DDX4: variants seen among roughly 807,000 people sequenced by gnomAD.
The protein encoded by DDX4 is DEAD-box helicase 4, also known as probable ATP-dependent RNA helicase DDX4.
DDX4 carries 25 observed loss-of-function variants against 100.0 expected under a neutral mutation model. That is an observed-to-expected ratio of 0.25 (90% CI 0.18 to 0.35). The LOEUF is 0.35. Among genes scored for constraint, DDX4 ranks in the 10% least tolerant of loss-of-function variants. The pLI, the probability that DDX4 is intolerant of heterozygous loss-of-function variation, is 1.00. For synonymous variants in DDX4, 259 were observed against 275.7 expected, an observed-to-expected ratio of 0.94 and a Z score of 0.60; for missense variants, 635 against 882.4, an observed-to-expected ratio of 0.72 and a Z score of 3.55.
chr5:55,784,815 C>T (rs1394595973), intron 10 of DDX4, among the ~76,000 whole-genome samples: 2 of 152,238 alleles, frequency 1.3e-5, no homozygotes, highest in African/African-American at 4.8e-5. Context: ...GAACTAAGCA[C>T]ATCCTGTGTG....
intron 10 of DDX4, among the ~76,000 whole-genome samples, chr5:55,782,546 C>T (rs764601947): frequency 1.3e-5 from 2 of 151,192 alleles, no homozygotes; most frequent in East Asian, 2.0e-4. Context: ...TGCAGTAAGC[C>T]GAGATCATAC....
chr5:55,787,811 C>G, intron 14 of DDX4, 35 bp from the exon 15 acceptor site: 1 of 1,604,150 alleles, frequency 6.2e-7, no homozygotes, highest in Non-Finnish European at 8.5e-7. Context: ...AAGTGTTGTG[C>G]TATAAGTTTG....
intron 10 of DDX4, among the ~76,000 whole-genome samples, chr5:55,783,671 A>ATGGATGGG (rs1179350939): frequency 1.6e-5 from 2 of 123,832 alleles, no homozygotes; most frequent in African/African-American, 5.8e-5. Flanking sequence ...GGATGGATGG[A>ATGGATGGG]TGGATGAATG....
At chr5:55,800,564 T>A (rs1373743091) in intron 18 of DDX4, among the ~76,000 whole-genome samples, 1 of 152,150 alleles carries the variant, frequency 6.6e-6, no homozygotes, top group Non-Finnish European at 1.5e-5. Flanking sequence ...GACCTTGTGA[T>A]CTGCCTGCCT....
intron 10 of DDX4, among the ~76,000 whole-genome samples, chr5:55,783,835 A>G (rs1026130355): frequency 1.4e-5 from 2 of 140,026 alleles, no homozygotes; most frequent in Non-Finnish European, 3.1e-5. Flanking sequence ...AGGAACCAGT[A>G]AAGTTTTTTT....
At chr5:55,746,072 C>G in intron 2 of DDX4, 92 bp from the exon 3 acceptor site, 1 of 980,840 alleles carries the variant, frequency 1.0e-6, no homozygotes, top group Non-Finnish European at 1.5e-6. Context: ...CTGAACAAAG[C>G]TCAATTGTTA....
chr5:55,754,967 G>C (rs570943170), intron 3 of DDX4, among the ~76,000 whole-genome samples: 1 of 152,270 alleles, frequency 6.6e-6, no homozygotes, highest in South Asian at 2.1e-4. Context: ...GCATAGAGGT[G>C]TTTGTAGTAT....
Position 55,792,735 on chromosome 5 carries a change from G to T in DDX4, c.1397G>T (p.Cys466Phe). Reference sequence around the variant, plus strand: ...CCAGAAATGAAGAAGTTAATTTCTTGCCCAGGAATGCCATCAAAGGAACAG... The same window carrying T: ...CCAGAAATGAAGAAGTTAATTTCTTTCCCAGGAATGCCATCAAAGGAACAG... ...FGPEMKKLIS[C>F]PGMPSKEQRQ... Residue 466 changes from cysteine (C) to phenylalanine (F), a missense_variant, in exon 17 of 22, where the codon TGC (cysteine) becomes TTC (phenylalanine). Coordinates refer to ENST00000505374, the MANE Select transcript of DDX4 (RefSeq NM_024415.3). 2 of 1,600,930 alleles carry T rather than the reference G, an allele frequency of 1.2e-6. No individual in the cohort carries two copies. Among genetic ancestry groups the T allele is most frequent in the Non-Finnish European group, 1.7e-6 (2 of 1,172,342 alleles).
chr5:55,740,556 A>G (rs1758920066), intron 2 of DDX4, among the ~76,000 whole-genome samples: 1 of 149,700 alleles, frequency 6.7e-6, no homozygotes, highest in African/African-American at 2.5e-5. Context: ...CCCAGGCTGG[A>G]GTGCAGTGGT....
intron 18 of DDX4, 104 bp from the exon 19 acceptor site, chr5:55,813,548 TGTGGTGCTGGTAGTAAATACA>T: frequency 7.7e-7 from 1 of 1,299,128 alleles, no homozygotes; most frequent in Non-Finnish European, 1.0e-6. Context: ...CAGGCTTGGC[TGTGGTGCTGGTAGTAAATACA>T]GTGGTGGACA....
chr5:55,771,452 A>G (rs1264846889), intron 7 of DDX4, among the ~76,000 whole-genome samples: 2 of 152,128 alleles, frequency 1.3e-5, no homozygotes, highest in Non-Finnish European at 2.9e-5. Context: ...GTAGATCATT[A>G]TTACTGTTTA....
At chr5:55,777,575 G>A (rs1203278845) in intron 7 of DDX4, 1 of 152,216 alleles carries the variant, frequency 6.6e-6, no homozygotes, top group African/African-American at 2.4e-5. Flanking sequence ...AGGAATACTA[G>A]GTGCTGTAGG....
chr5:55,811,743 C>T (rs1048786052), intron 18 of DDX4, among the ~76,000 whole-genome samples: 1 of 152,150 alleles, frequency 6.6e-6, no homozygotes, highest in Admixed American at 6.5e-5. Flanking sequence ...ATGTCATACA[C>T]AAGCATTGTC....
chr5:55,759,953 G>A (rs973451921), intron 3 of DDX4, among the ~76,000 whole-genome samples: 1 of 151,916 alleles, frequency 6.6e-6, no homozygotes, highest in Non-Finnish European at 1.5e-5. Flanking sequence ...ATTCAATTAT[G>A]AGGTTAAAAA....
chr5:55,777,339 C>T (rs530592464), intron 7 of DDX4: 3 of 152,240 alleles, frequency 2.0e-5, no homozygotes, highest in African/African-American at 4.8e-5. Context: ...CATGGTGGCT[C>T]ATGCTTGTAA....
intron 14 of DDX4, among the ~76,000 whole-genome samples, 176 bp from the exon 15 acceptor site, chr5:55,787,670 C>T (rs1394909823): frequency 6.6e-6 from 1 of 152,010 alleles, no homozygotes; most frequent in Non-Finnish European, 1.5e-5. Context: ...ATAATAAGAG[C>T]ATAAAGACAT....
chr5:55,739,450 G>A (rs1758864602), intron 2 of DDX4, among the ~76,000 whole-genome samples: 1 of 152,190 alleles, frequency 6.6e-6, no homozygotes, highest in African/African-American at 2.4e-5. Flanking sequence ...GGCTGATTGA[G>A]TTGGTAACAT....
intron 18 of DDX4, among the ~76,000 whole-genome samples, chr5:55,810,144 G>A (rs745418647): frequency 2.0e-5 from 3 of 151,668 alleles, no homozygotes; most frequent in Non-Finnish European, 4.4e-5. Context: ...CGCTCTTGTC[G>A]CCCAGGCTAG....
chr5:55,765,030 A>AC (rs1740800236), intron 6 of DDX4, among the ~76,000 whole-genome samples: 1 of 152,124 alleles, frequency 6.6e-6, no homozygotes, highest in Admixed American at 6.5e-5. Flanking sequence ...ATCAAATGAG[A>AC]CTGTTTCTCC....
Sources: gnomAD v4.1 joint callset for allele counts (sites outside exome capture counted in the v4.1 genomes callset) on GRCh38, gnomAD v4.1.1 for gene constraint, MANE v1.5 for transcripts, NCBI Gene and HGNC (gene_info 2026-07-23, HGNC 2026-07-21) for gene names.